TRPA1: variants seen among roughly 807,000 people sequenced by gnomAD.
TRPA1 encodes transient receptor potential cation channel subfamily A member 1.
A neutral mutation model predicts 131.3 loss-of-function variants in TRPA1; 129 were observed. That is an observed-to-expected ratio of 0.98 (90% CI 0.85 to 1.14). The LOEUF (loss-of-function observed/expected upper bound fraction) is 1.14. Ranked by LOEUF, TRPA1 falls within the 50% of genes most tolerant of loss-of-function variation. The pLI, the probability that TRPA1 is intolerant of heterozygous loss-of-function variation, is 0.00. For missense variants in TRPA1, 1,304 were observed against 1,354.2 expected (o/e 0.96, Z 0.58); for synonymous variants, 441 against 451.7 (o/e 0.98, Z 0.30).
chr8:72,038,161 CT>C (rs1377400235), intron 19 of TRPA1, 89 bp from the exon 20 acceptor site: 8,011 of 605,826 alleles, frequency 0.013, 12 homozygotes, highest in Admixed American at 0.021. Context: ...TTTCTTTTTT[CT>C]TTTTTTTTTG....
chr8:72,075,827 G>A (rs1806169311), upstream of TRPA1, among the ~76,000 whole-genome samples: 1 of 150,454 alleles, frequency 6.6e-6, no homozygotes, highest in Non-Finnish European at 1.5e-5. Context: ...AAACTAAGAG[G>A]CCCCTTGCCC....
In TRPA1 at chr8:72,024,746, G is replaced by A. The variant is rs554096630; in HGVS notation, c.3052-835C>T. On this transcript the variant is annotated intron_variant, in intron 25 of 26. Coordinates refer to ENST00000262209, the MANE Select transcript of TRPA1 (RefSeq NM_007332.3). ...AAGTAGGCAGCTGGATACAGGGTCC[G>A]GGAACTGAAGAGTGAGCTCTAGGAT... 5.1e-4 allele frequency among the ~76,000 whole-genome samples: 78 copies of A among 152,264 alleles called. 1 individual carries two copies. Among genetic ancestry groups the A allele is most frequent in the African/African-American group, 1.9e-3 (77 of 41,550 alleles).
At chr8:72,027,226 G>T (rs1811640535) in intron 24 of TRPA1, among the ~76,000 whole-genome samples, 1 of 152,084 alleles carries the variant, frequency 6.6e-6, no homozygotes, top group African/African-American at 2.4e-5. Context: ...TTTGCCAACA[G>T]ATAAAATACA....
chr8:72,029,726 C>T (rs1443728965), intron 24 of TRPA1, 175 bp downstream of exon 24: 1 of 717,722 alleles, frequency 1.4e-6, no homozygotes, highest in Non-Finnish European at 2.5e-6. Flanking sequence ...AGGAACAGAA[C>T]CCAGTCAGCC....
At chr8:72,029,156 G>A (rs1254537168) in intron 24 of TRPA1, among the ~76,000 whole-genome samples, 1 of 152,222 alleles carries the variant, frequency 6.6e-6, no homozygotes, top group Non-Finnish European at 1.5e-5. Context: ...AAAAATGAGA[G>A]AGATGTCACA....
At chr8:72,029,796 T>C in intron 24 of TRPA1, 105 bp downstream of exon 24, 8 of 1,025,940 alleles carry the variant, frequency 7.8e-6, no homozygotes, top group Non-Finnish European at 1.1e-5. Flanking sequence ...AATTTATAAC[T>C]GGCATATTCC....
chr8:72,061,231 G>C (rs1805801319), intron 7 of TRPA1, among the ~76,000 whole-genome samples: 1 of 152,022 alleles, frequency 6.6e-6, no homozygotes, highest in African/African-American at 2.4e-5. Flanking sequence ...GATTAGTGTG[G>C]GGGTGACATA....
intron 15 of TRPA1, among the ~76,000 whole-genome samples, chr8:72,048,370 C>T (rs1805402980): frequency 6.6e-6 from 1 of 151,996 alleles, no homozygotes; most frequent in Admixed American, 6.6e-5. Context: ...GGTAGAGGGT[C>T]AGACTATATC....
intron 9 of TRPA1, among the ~76,000 whole-genome samples, chr8:72,057,265 C>A (rs1487929035): frequency 6.6e-6 from 1 of 151,930 alleles, no homozygotes. Context: ...ATACATGAAG[C>A]CTTACCTTTT....
chr8:72,077,057 A>C (rs1806201378), upstream of TRPA1, among the ~76,000 whole-genome samples: 1 of 152,156 alleles, frequency 6.6e-6, no homozygotes, highest in Non-Finnish European at 1.5e-5. Context: ...ATACCAGTTT[A>C]ATGTTTTAAA....
intron 25 of TRPA1, 136 bp from the exon 26 acceptor site, chr8:72,024,047 G>A: frequency 1.6e-6 from 1 of 643,974 alleles, no homozygotes; most frequent in Middle Eastern, 2.6e-4. Flanking sequence ...CCCACAATCT[G>A]CTAGGAGAAA....
chr8:72,059,552 G>A (rs1228796548), intron 7 of TRPA1, 114 bp from the exon 8 acceptor site: 1 of 653,844 alleles, frequency 1.5e-6, no homozygotes, highest in African/African-American at 1.9e-5. Context: ...AAAATAACAT[G>A]ATAGAATGTT....
intron 25 of TRPA1, 66 bp downstream of exon 25, chr8:72,025,894 T>C: frequency 7.2e-7 from 1 of 1,391,568 alleles, no homozygotes; most frequent in Non-Finnish European, 1.0e-6. Context: ...CCCTTAGGGT[T>C]AACACAATGA....
At chr8:72,059,524 G>T (rs1469695096) in intron 7 of TRPA1, 86 bp from the exon 8 acceptor site, 5 of 823,162 alleles carry the variant, frequency 6.1e-6, no homozygotes, top group Non-Finnish European at 9.7e-6. Context: ...TATTCGGAAA[G>T]TGAATTTAAC....
the TRPA1 span, among the ~76,000 whole-genome samples, chr8:72,084,667 T>C: frequency 6.8e-6 from 1 of 146,992 alleles, no homozygotes; most frequent in African/African-American, 2.6e-5. Flanking sequence ...TTTTTTTTTT[T>C]TTGAGACAGG....
chr8:72,040,738 G>A (rs1038758435), intron 17 of TRPA1, among the ~76,000 whole-genome samples: 3 of 152,094 alleles, frequency 2.0e-5, no homozygotes, highest in East Asian at 3.8e-4. Context: ...AAGATAGAGT[G>A]TCAACAGACA....
At chr8:72,062,379 C>T (rs1196258646) in intron 6 of TRPA1, 4 of 188,688 alleles carry the variant, frequency 2.1e-5, no homozygotes, top group Admixed American at 1.1e-4. Context: ...AGATCCCAAA[C>T]ACAGTCAACA....
chr8:72,033,337 C>CTGTT (rs747333566), intron 23 of TRPA1, among the ~76,000 whole-genome samples: 3 of 152,212 alleles, frequency 2.0e-5, no homozygotes, highest in Admixed American at 6.5e-5. Flanking sequence ...AAATTCCTGA[C>CTGTT]TGTTTGTAAT....
At chr8:72,040,772 C>T (rs1030208603) in intron 17 of TRPA1, among the ~76,000 whole-genome samples, 1 of 152,018 alleles carries the variant, frequency 6.6e-6, no homozygotes, top group Non-Finnish European at 1.5e-5. Context: ...GTCCCAGTAT[C>T]ATGACTTGCT....
Sources: gnomAD v4.1 joint callset for allele counts (sites outside exome capture counted in the v4.1 genomes callset) on GRCh38, gnomAD v4.1.1 for gene constraint, MANE v1.5 for transcripts, NCBI Gene and HGNC (gene_info 2026-07-23, HGNC 2026-07-21) for gene names.